Variants in CAND1 observed in about 807,000 individuals in gnomAD.
CAND1 encodes the protein cullin associated and neddylation dissociated 1, also known as cullin-associated NEDD8-dissociated protein 1.
A neutral mutation model predicts 108.5 loss-of-function variants in CAND1; 7 were observed. That is an observed-to-expected ratio of 0.06 (90% CI 0.04 to 0.12). The LOEUF (loss-of-function observed/expected upper bound fraction) is 0.12, where lower values mean the gene tolerates loss of function less well. Ranked by LOEUF, CAND1 falls within the 10% of genes least tolerant of loss-of-function variation. The pLI is 1.00. For missense variants in CAND1, 941 were observed against 1,448.7 expected, an observed-to-expected ratio of 0.65 and a Z score of 5.69; for synonymous variants, 534 against 512.0, an observed-to-expected ratio of 1.04 and a Z score of -0.58.
chr12:67,279,137 G>T (rs1440084654), intron 1 of CAND1, among the ~76,000 whole-genome samples: 1 of 147,226 alleles, frequency 6.8e-6, no homozygotes, highest in African/African-American at 2.5e-5. Context: ...TGTTTCCTTA[G>T]TCCTTCACTC....
intron 1 of CAND1, among the ~76,000 whole-genome samples, chr12:67,281,407 A>G (rs1049317491): frequency 1.3e-4 from 20 of 152,266 alleles, no homozygotes; most frequent in East Asian, 3.9e-4. Flanking sequence ...GTAATATGTG[A>G]TCATCCCCTG....
intron 2 of CAND1, among the ~76,000 whole-genome samples, chr12:67,284,634 C>T (rs2044651032): frequency 6.6e-6 from 1 of 152,096 alleles, no homozygotes; most frequent in South Asian, 2.1e-4. Flanking sequence ...TGACAGAATT[C>T]ATCATCTGTT....
At chr12:67,301,355 A>G (rs999677615) in intron 7 of CAND1, among the ~76,000 whole-genome samples, 3 of 152,288 alleles carry the variant, frequency 2.0e-5, no homozygotes, top group Admixed American at 1.3e-4. Context: ...AAGCCAGTAA[A>G]AAGTTACTAC....
intron 1 of CAND1, among the ~76,000 whole-genome samples, chr12:67,280,002 A>T (rs970469579): frequency 3.3e-5 from 5 of 152,124 alleles, no homozygotes; most frequent in African/African-American, 1.2e-4. Flanking sequence ...GTGTTATGCA[A>T]TTTTTCCACT....
rs771118340 is a variant in CAND1, at chr12:67,297,473, C to T, written c.558C>T (p.Ser186=). ...ILTCLLPQLT[S]PRLAVRKRTI... ...CCTGTCTACTTCCCCAGTTGACCAG[C>T]CCTAGACTTGCAGTGAGGAAAAGAA... Residue 186 remains serine (S), a synonymous_variant, in exon 5 of 15, where the codon AGC becomes AGT. Transcript: ENST00000545606. 13 of 1,613,840 alleles carry T rather than the reference C, an allele frequency of 8.1e-6. No homozygotes were observed. The highest frequency in any genetic ancestry group is 1.1e-5 in the Non-Finnish European group (13 of 1,179,886).
At chr12:67,310,363 G>T (rs189068086) in intron 13 of CAND1, 47 bp downstream of exon 13, 55 of 1,385,244 alleles carry the variant, frequency 4.0e-5, no homozygotes, top group East Asian at 3.5e-4. Context: ...AGAAGACTTT[G>T]CTAGAGCAAC....
intron 4 of CAND1, chr12:67,297,144 T>C (rs1374144062): frequency 1.8e-5 from 9 of 501,422 alleles, no homozygotes; most frequent in Non-Finnish European, 3.2e-5. Context: ...AGCCAATCAA[T>C]TAGATATCCT....
intron 2 of CAND1, among the ~76,000 whole-genome samples, chr12:67,292,116 C>T (rs2044727916): frequency 6.6e-6 from 1 of 152,072 alleles, no homozygotes. Flanking sequence ...ATCCACCCGC[C>T]TGGTCCTCCC....
At chr12:67,274,490 T>C (rs183526344) in intron 1 of CAND1, among the ~76,000 whole-genome samples, 1 of 152,348 alleles carries the variant, frequency 6.6e-6, no homozygotes, top group Admixed American at 6.5e-5. Context: ...TCCACAGAAC[T>C]CCTTAAGAAT....
chr12:67,289,908 G>A (rs814290), intron 2 of CAND1, among the ~76,000 whole-genome samples: 83,647 of 151,784 alleles, frequency 0.55, 24,099 homozygotes, highest in Non-Finnish European at 0.65. Flanking sequence ...GCAGTCATCA[G>A]TTGAGCATCT....
At position 67,313,138 on chromosome 12, in the gene CAND1, C is replaced by G; in HGVS notation, c.*308C>G. ...GAGATAGGGTCCAGTATCTATTTAC[C>G]CTGTAATGTTTAGGATTAAAATGTT... On this transcript the variant is annotated 3_prime_UTR_variant, in exon 15 of 15. Transcript: ENST00000545606. 1 of 194,206 alleles carries G rather than the reference C, an allele frequency of 5.1e-6. No homozygotes were observed. Among genetic ancestry groups the G allele is most frequent in the Non-Finnish European group, 1.0e-5 (1 of 95,878 alleles). 12.0% of individuals were successfully genotyped at this position (194,206 alleles called of 1,614,324 possible).
chr12:67,279,090 A>G (rs17781645), intron 1 of CAND1, among the ~76,000 whole-genome samples: 12,262 of 150,712 alleles, frequency 0.081, 694 homozygotes, highest in Non-Finnish European at 0.12. Flanking sequence ...TATTCCCATC[A>G]TCTTCCTATT....
At position 67,315,374 on chromosome 12, in the gene CAND1, C is replaced by A. The variant is rs1021766654; in HGVS notation, c.*2544C>A. ...GCTGAGGCAGGAGAATGGCGTGAAC[C>A]CAGGAGGCGGAGCTGGCAGTGAGCC... On this transcript the variant is annotated 3_prime_UTR_variant, in exon 15 of 15. Transcript: ENST00000545606. 6.7e-6 allele frequency: 1 copy of A among 149,402 alleles called. No individual in the cohort carries two copies. Among genetic ancestry groups the A allele is most frequent in the African/African-American group, 2.5e-5 (1 of 39,390 alleles). The allele number at this position is 149,402 out of a possible 1,614,324, so 9.3% of individuals were successfully genotyped here.
intron 4 of CAND1, among the ~76,000 whole-genome samples, chr12:67,296,147 TA>T (rs139934847): frequency 0.48 from 73,384 of 151,872 alleles, 19,237 homozygotes; most frequent in Non-Finnish European, 0.59. Flanking sequence ...ATGAGGAATT[TA>T]TGTTTAATTT....
chr12:67,297,878 T>G (rs771763632), intron 6 of CAND1, 25 bp downstream of exon 6: 1 of 1,403,352 alleles, frequency 7.1e-7, no homozygotes, highest in East Asian at 2.3e-5. Flanking sequence ...TCTCTATTTT[T>G]TACAAAAAGT....
intron 8 of CAND1, among the ~76,000 whole-genome samples, chr12:67,302,962 A>C (rs1380705489): frequency 6.6e-6 from 1 of 152,174 alleles, no homozygotes; most frequent in African/African-American, 2.4e-5. Context: ...CAAGTTATTT[A>C]GTCATTTTAT....
intron 2 of CAND1, among the ~76,000 whole-genome samples, chr12:67,289,656 C>T (rs942081321): frequency 2.6e-5 from 4 of 152,198 alleles, no homozygotes; most frequent in Admixed American, 1.3e-4. Flanking sequence ...GGATTACAAT[C>T]GTGACTCGCC....
chr12:67,271,818 T>A (rs560459468), intron 1 of CAND1, among the ~76,000 whole-genome samples: 68 of 152,326 alleles, frequency 4.5e-4, no homozygotes, highest in African/African-American at 1.6e-3. Flanking sequence ...CATTAAGATA[T>A]TTTTATCAAC....
At chr12:67,311,867 C>T (rs1411881814) in intron 14 of CAND1, 67 bp downstream of exon 14, 1 of 894,890 alleles carries the variant, frequency 1.1e-6, no homozygotes, top group Non-Finnish European at 1.9e-6. Context: ...CAATTCTTTT[C>T]TCTAGCTTTC....
Sources: allele counts gnomAD v4.1 joint callset (sites outside exome capture counted in the v4.1 genomes callset), GRCh38; gene constraint gnomAD v4.1.1; transcripts MANE v1.5; gene names NCBI Gene and HGNC (gene_info 2026-07-23, HGNC 2026-07-21).